SCLY: variants seen among roughly 807,000 people sequenced by gnomAD.
The protein encoded by SCLY is selenocysteine lyase.
SCLY carries 38 observed loss-of-function variants against 50.1 expected under a neutral mutation model. That is an observed-to-expected ratio of 0.76 (90% CI 0.59 to 0.99). The LOEUF (loss-of-function observed/expected upper bound fraction) is 0.99. SCLY is among the 50% of genes least tolerant of loss of function. The pLI is 0.00. For synonymous variants in SCLY, 243 were observed against 249.4 expected (o/e 0.97, Z 0.24); for missense variants, 600 against 620.0 (o/e 0.97, Z 0.34).
chr2:238,074,081 C>T (rs527815245), intron 4 of SCLY, among the ~76,000 whole-genome samples: 16 of 151,974 alleles, frequency 1.1e-4, no homozygotes, highest in Middle Eastern at 6.8e-3. Context: ...AAGCGGGGAA[C>T]GGATCACTTG....
At chr2:238,089,003 G>T (rs1180804406) in intron 7 of SCLY, among the ~76,000 whole-genome samples, 1 of 152,190 alleles carries the variant, frequency 6.6e-6, no homozygotes, top group Non-Finnish European at 1.5e-5. Context: ...TCACACGATT[G>T]TCTATAAAGA....
intron 4 of SCLY, among the ~76,000 whole-genome samples, chr2:238,072,216 T>TA (rs2065134944): frequency 6.6e-6 from 1 of 152,172 alleles, no homozygotes. Context: ...TTGTAACATG[T>TA]ATTTAATTCA....
chr2:238,095,666 C>A (rs551408029), intron 10 of SCLY: 3 of 152,296 alleles, frequency 2.0e-5, no homozygotes, highest in Admixed American at 2.0e-4. Flanking sequence ...TGTCAACGTT[C>A]CCCTTGTTCT....
Position 238,067,541 on chromosome 2 carries a change from G to A in SCLY, c.203-524G>A, listed in dbSNP as rs192044325. Among the ~76,000 whole-genome samples the A allele has an allele frequency of 7.2e-5, 11 of 152,352 alleles. No homozygotes were observed. The highest frequency in any genetic ancestry group is 2.4e-4 in the African/African-American group (10 of 41,594). On this transcript the variant is annotated intron_variant, in intron 2 of 11. Coordinates refer to ENST00000254663, the MANE Select transcript of SCLY (RefSeq NM_016510.7). The surrounding 1 kb of genome is among the most constrained non-coding windows in gnomAD (Gnocchi z 4.3). ...AAACTGGGTGATGGCCGGATGCATA[G>A]CCCTGTTTGAAAGCAGGTGTGTCCC...
At chr2:238,097,009 G>C (rs554318491) in intron 11 of SCLY, 133 bp downstream of exon 11, 5 of 860,836 alleles carry the variant, frequency 5.8e-6, no homozygotes. Flanking sequence ...GGCCCTAGGA[G>C]GGGCAGAGGG....
Position 238,083,234 on chromosome 2 carries a change from A to C in SCLY, c.778-14A>C. On this transcript the variant is annotated splice_polypyrimidine_tract_variant and intron_variant, in intron 6 of 11. Coordinates refer to ENST00000254663, the MANE Select transcript of SCLY (RefSeq NM_016510.7). This position sits in a 1 kb window ranked among gnomAD's most constrained non-coding sequence, Gnocchi z 4.3. The stretch of plus-strand genomic sequence containing the variant: ...AAAGTTCTTGTTGAATAAATGACCA[A>C]CTTTTCCTTCCAGTTTTATGGTCCC... The C allele has an allele frequency of 6.3e-7, 1 of 1,589,704 alleles. No homozygotes were observed. Among genetic ancestry groups the C allele is most frequent in the Non-Finnish European group, 8.6e-7 (1 of 1,158,014 alleles).
intron 4 of SCLY, chr2:238,080,532 C>CCGG (rs1338825338): frequency 6.6e-6 from 1 of 152,370 alleles, no homozygotes. Context: ...GCAGCAGAGC[C>CCGG]CGGCAAGCCG....
chr2:238,081,638 C>A, intron 4 of SCLY, 71 bp from the exon 5 acceptor site: 1 of 1,561,528 alleles, frequency 6.4e-7, no homozygotes, highest in Non-Finnish European at 8.7e-7. Context: ...AACTGTTAAG[C>A]TCTGTTGGAA....
chr2:238,096,320 G>C (rs776038436), intron 10 of SCLY: 10 of 205,204 alleles, frequency 4.9e-5, no homozygotes, highest in Non-Finnish European at 9.0e-5. Flanking sequence ...CAAAGTGCTG[G>C]GATTACAGGT....
At chr2:238,065,363 C>A (rs1559241075) in intron 2 of SCLY, among the ~76,000 whole-genome samples, 1 of 152,072 alleles carries the variant, frequency 6.6e-6, no homozygotes, top group South Asian at 2.1e-4. Context: ...AAATTTCTGA[C>A]GTATTAGACT....
At chr2:238,096,763 G>A in intron 10 of SCLY, 38 bp from the exon 11 acceptor site, 1 of 1,582,694 alleles carries the variant, frequency 6.3e-7, no homozygotes, top group African/African-American at 1.3e-5. Context: ...CAACCTGGCT[G>A]GAGCCCCATC....
chr2:238,098,055 G>T, intron 11 of SCLY, 147 bp from the exon 12 acceptor site: 1 of 895,332 alleles, frequency 1.1e-6, no homozygotes. Context: ...GCTTGGTCTG[G>T]GAGTTTAGCA....
In SCLY at chr2:238,081,734, G is replaced by A. The variant is rs760857201; in HGVS notation, c.510G>A (p.Lys170=). 56 of 1,614,124 alleles carry A rather than the reference G, an allele frequency of 3.5e-5. No homozygotes were observed. Among genetic ancestry groups the A allele is most frequent in the Non-Finnish European group, 3.8e-5 (45 of 1,180,046 alleles). ...CGGTCACCTTTGTCCCGGTGTCCAA[G>A]GTGAGCGGGCAGGCAGAGGTGGACG... is the stretch of plus-strand genomic sequence containing the variant. The part of the protein sequence containing the change: ...VAAVTFVPVS[K]VSGQAEVDDI... Residue 170 remains lysine (K), a synonymous_variant, in exon 5 of 12, where the codon AAG becomes AAA. Transcript: ENST00000254663.
Position 238,098,469 on chromosome 2 carries a change from G to C in SCLY, c.*114G>C, listed in dbSNP as rs1691294829. On this transcript the variant is annotated 3_prime_UTR_variant, in exon 12 of 12. Transcript: ENST00000254663. ...AGGATGACTGTCTCATGCCCCCTCT[G>C]CATTTTGTCCTGGAGTGCCAGCGAG... 2 of 1,251,888 alleles carry C rather than the reference G, an allele frequency of 1.6e-6. No homozygotes were observed. The highest frequency in any genetic ancestry group is 1.5e-5 in the African/African-American group (1 of 66,518). The allele number at this position is 1,251,888 out of a possible 1,614,324, so 77.5% of individuals were successfully genotyped here. A position where few individuals can be genotyped will look rare whatever the true frequency, so the allele number is the denominator to read the frequency against.
chr2:238,083,974 A>G lies in SCLY; in HGVS notation c.884+620A>G, dbSNP rs2065263275. 6.6e-6 allele frequency among the ~76,000 whole-genome samples: 1 copy of G among 152,250 alleles called. No homozygotes were observed. Among genetic ancestry groups the G allele is most frequent in the South Asian group, 2.1e-4 (1 of 4,836 alleles). On this transcript the variant is annotated intron_variant, in intron 7 of 11. Coordinates refer to ENST00000254663, the MANE Select transcript of SCLY (RefSeq NM_016510.7). This position sits in a 1 kb window ranked among gnomAD's most constrained non-coding sequence, Gnocchi z 4.3. ...CAACCAAAGCCTGTCCTCTCTAGCC[A>G]GTGGACCAGGAAAGGAATGGCCTAG...
intron 6 of SCLY, chr2:238,082,606 T>TGTG (rs141301210): frequency 0.023 from 4,578 of 200,004 alleles, 81 homozygotes; most frequent in Non-Finnish European, 0.034. Flanking sequence ...CTTTCTCTAA[T>TGTG]GTGATTTCAG....
chr2:238,097,375 C>CTGG (rs879885611), intron 11 of SCLY, among the ~76,000 whole-genome samples: 34,607 of 130,664 alleles, frequency 0.26, 4,135 homozygotes, highest in African/African-American at 0.38. Flanking sequence ...GCGTGGGGTG[C>CTGG]CCGAGCAGCG....
intron 7 of SCLY, among the ~76,000 whole-genome samples, chr2:238,090,643 A>T (rs2065352074): frequency 6.6e-6 from 1 of 152,216 alleles, no homozygotes; most frequent in African/African-American, 2.4e-5. Flanking sequence ...CTAAAAAAAA[A>T]TTAAGAAATT....
chr2:238,070,406 C>T (rs1375136841), intron 4 of SCLY, among the ~76,000 whole-genome samples: 1 of 152,148 alleles, frequency 6.6e-6, no homozygotes, highest in African/African-American at 2.4e-5. Flanking sequence ...TGGCTGGGCG[C>T]AGTGGCTCAA....
Sources: allele counts gnomAD v4.1 joint callset (sites outside exome capture counted in the v4.1 genomes callset), GRCh38; gene constraint gnomAD v4.1.1; non-coding constraint Gnocchi (gnomAD v3.1); transcripts MANE v1.5; gene names NCBI Gene and HGNC (gene_info 2026-07-23, HGNC 2026-07-21).